Variants in NKAIN1 observed in about 807,000 individuals in gnomAD.
The protein encoded by NKAIN1 is sodium/potassium transporting ATPase interacting 1.
Under a neutral mutation model 31.6 loss-of-function variants are expected in NKAIN1, and 13 were observed. The observed-to-expected ratio is 0.41, with a 90% CI of 0.27 to 0.65. NKAIN1 has a LOEUF of 0.65. NKAIN1 is among the 30% of genes least tolerant of loss of function. The pLI is 0.30. For missense variants in NKAIN1, 193 were observed against 262.2 expected (o/e 0.74, Z 1.82); for synonymous variants, 104 against 109.0 (o/e 0.95, Z 0.28).
chr1:31,216,730 A>ATTTTTTTG (rs1557659485), intron 1 of NKAIN1, among the ~76,000 whole-genome samples: 1 of 151,728 alleles, frequency 6.6e-6, no homozygotes, highest in African/African-American at 2.4e-5. Context: ...TTATTTATTT[A>ATTTTTTTG]TTGAGACAGC....
At position 31,187,447 on chromosome 1, in the gene NKAIN1, C is replaced by T. The variant is rs1487526602; in HGVS notation, c.192+603G>A. Among the ~76,000 whole-genome samples, 3 of 152,228 alleles carry T rather than the reference C, an allele frequency of 2.0e-5. No homozygotes were observed. In the East Asian group the frequency reaches 5.8e-4, roughly 29 times the overall value. The stretch of plus-strand genomic sequence containing the variant: ...CAGGGAGGCACTGACCTCAAAGCCA[C>T]ACTAGCTGCTCCAGAACACATCCTT... On this transcript the variant is annotated intron_variant, in intron 2 of 6. Coordinates refer to ENST00000373736, the MANE Select transcript of NKAIN1 (RefSeq NM_024522.3).
chr1:31,215,953 C>T (rs550363975), intron 1 of NKAIN1, among the ~76,000 whole-genome samples: 58 of 152,262 alleles, frequency 3.8e-4, no homozygotes, highest in African/African-American at 1.3e-3. Context: ...AGGGATGGGC[C>T]ACTGCCCCCT....
chr1:31,226,738 G>A (rs1645610742), intron 1 of NKAIN1, among the ~76,000 whole-genome samples: 1 of 151,922 alleles, frequency 6.6e-6, no homozygotes, highest in South Asian at 2.1e-4. Context: ...TAGCCAGGCT[G>A]TTCTCGAACT....
intron 1 of NKAIN1, among the ~76,000 whole-genome samples, chr1:31,216,919 G>A (rs1208235896): frequency 6.6e-6 from 1 of 151,906 alleles, no homozygotes; most frequent in Non-Finnish European, 1.5e-5. Flanking sequence ...AGGCTGGAGT[G>A]CAATGGTGCG....
chr1:31,181,703 C>T lies in NKAIN1; in HGVS notation c.624G>A (p.Ter208=), dbSNP rs753278906. The T allele has an allele frequency of 2.7e-5, 40 of 1,480,672 alleles. No individual in the cohort carries two copies. 91.7% of individuals were successfully genotyped at this position (1,480,672 alleles called of 1,614,324 possible). The part of the protein sequence containing the change: ...LQLQPLYTSG[*] ...CGCCGGGGTGGGCGCGGGGCAGAGG[C>T]TACCCCGACCTGCGGGAAACAAAGG... The change falls in exon 7 of 7, where the codon TAG becomes TAA. Residue 208 remains the stop codon, a stop_retained_variant. Coordinates refer to ENST00000373736, the MANE Select transcript of NKAIN1 (RefSeq NM_024522.3).
intron 1 of NKAIN1, among the ~76,000 whole-genome samples, chr1:31,205,917 C>T (rs1316061718): frequency 6.6e-6 from 1 of 151,710 alleles, no homozygotes; most frequent in Non-Finnish European, 1.5e-5. Flanking sequence ...GCCACCGCGC[C>T]CGGCCCAGAC....
intron 1 of NKAIN1, among the ~76,000 whole-genome samples, chr1:31,234,409 C>T (rs1489674028): frequency 6.6e-6 from 1 of 152,102 alleles, no homozygotes; most frequent in Non-Finnish European, 1.5e-5. Context: ...CCATGTTTCA[C>T]ACCATTACTC....
At chr1:31,202,800 A>T (rs1422393168) in intron 1 of NKAIN1, among the ~76,000 whole-genome samples, 1 of 150,402 alleles carries the variant, frequency 6.6e-6, no homozygotes, top group Non-Finnish European at 1.5e-5. Context: ...AACATGGTGA[A>T]ATCCTGTCTC....
chr1:31,188,360 C>A (rs917151156), intron 1 of NKAIN1, 173 bp from the exon 2 acceptor site: 20 of 687,322 alleles, frequency 2.9e-5, no homozygotes, highest in Non-Finnish European at 4.1e-5. Context: ...TAAGCCTGAT[C>A]ATCACTTTGG....
intron 1 of NKAIN1, among the ~76,000 whole-genome samples, chr1:31,208,641 G>GGT (rs148179544): frequency 6.6e-6 from 1 of 150,698 alleles, no homozygotes; most frequent in Non-Finnish European, 1.5e-5. Flanking sequence ...GGGGGAGGGG[G>GGT]CCCTGGAAAC....
chr1:31,201,071 G>A (rs10914314), intron 1 of NKAIN1, among the ~76,000 whole-genome samples: 6,622 of 152,080 alleles, frequency 0.044, 414 homozygotes, highest in African/African-American at 0.14. Context: ...TTTGGGAGGC[G>A]AAGGCGGGTG....
chr1:31,189,906 G>A (rs545211030), intron 1 of NKAIN1, among the ~76,000 whole-genome samples: 3 of 152,202 alleles, frequency 2.0e-5, no homozygotes, highest in African/African-American at 4.8e-5. Flanking sequence ...TGGATGGCCC[G>A]CCTGAGGAGA....
chr1:31,239,379 C>G lies in NKAIN1; in HGVS notation c.54+115G>C. The G allele has an allele frequency of 9.6e-6, 7 of 731,700 alleles. 1 individual carries two copies. The South Asian group carries it at 2.2e-4, about 23-fold the overall frequency. 45.3% of individuals were successfully genotyped at this position (731,700 alleles called of 1,614,324 possible). ...CCGAGACTCCAGACCACCCCCCGCC[C>G]GGGCACACGCACCAGACACACACAC... On this transcript the variant is annotated intron_variant, in intron 1 of 6. Transcript: ENST00000373736. This position sits in a 1 kb window ranked among gnomAD's most constrained non-coding sequence, Gnocchi z 4.8.
intron 1 of NKAIN1, among the ~76,000 whole-genome samples, chr1:31,213,384 C>T (rs1233412866): frequency 3.3e-5 from 5 of 152,102 alleles, no homozygotes; most frequent in African/African-American, 9.7e-5. Flanking sequence ...GTGTGACATA[C>T]TTCACACCCA....
At chr1:31,185,078 A>G (rs1645232332) in intron 3 of NKAIN1, 169 bp downstream of exon 3, 1 of 620,308 alleles carries the variant, frequency 1.6e-6, no homozygotes, top group African/African-American at 1.8e-5. Context: ...TGAGGAAGCC[A>G]GAAATAAATT....
intron 1 of NKAIN1, among the ~76,000 whole-genome samples, chr1:31,222,698 T>G (rs1185288019): frequency 1.3e-5 from 2 of 152,070 alleles, no homozygotes; most frequent in Non-Finnish European, 2.9e-5. Flanking sequence ...AGGCCCAAAC[T>G]GAAGCTCAGG....
chr1:31,231,597 C>T (rs1248643183), intron 1 of NKAIN1, among the ~76,000 whole-genome samples: 1 of 152,198 alleles, frequency 6.6e-6, no homozygotes, highest in Non-Finnish European at 1.5e-5. Flanking sequence ...GTGGCGCCAT[C>T]TCAGCTCACT....
chr1:31,231,071 A>G (rs773230654), intron 1 of NKAIN1, among the ~76,000 whole-genome samples: 4 of 151,792 alleles, frequency 2.6e-5, no homozygotes, highest in Non-Finnish European at 4.4e-5. Flanking sequence ...TTTAGTACAA[A>G]TGGGGTTTCA....
intron 3 of NKAIN1, 56 bp downstream of exon 3, chr1:31,185,191 C>G: frequency 7.1e-7 from 1 of 1,409,394 alleles, no homozygotes; most frequent in Non-Finnish European, 9.9e-7. Context: ...ACCCTTAGGG[C>G]AGGGGATGGG....
Sources: allele counts gnomAD v4.1 joint callset (sites outside exome capture counted in the v4.1 genomes callset), GRCh38; gene constraint gnomAD v4.1.1; non-coding constraint Gnocchi (gnomAD v3.1); transcripts MANE v1.5; gene names NCBI Gene and HGNC (gene_info 2026-07-23, HGNC 2026-07-21).